Variants in ASAH2 observed in about 807,000 individuals in gnomAD.
The protein encoded by ASAH2 is N-acylsphingosine amidohydrolase 2.
ASAH2 carries 58 observed loss-of-function variants against 82.9 expected under a neutral mutation model. The observed-to-expected ratio is 0.70, with a 90% CI of 0.57 to 0.87. The LOEUF (loss-of-function observed/expected upper bound fraction) is 0.87, where lower values mean the gene tolerates loss of function less well. ASAH2 is among the 40% of genes least tolerant of loss of function. The pLI is 0.00. For synonymous variants in ASAH2, 276 were observed against 289.7 expected (o/e 0.95, Z 0.48); for missense variants, 779 against 834.0 (o/e 0.93, Z 0.81).
Position 50,187,105 on chromosome 10 carries a change from C to A in ASAH2, c.*210G>T, listed in dbSNP as rs1844766033. 1 of 327,266 alleles carries A rather than the reference C, an allele frequency of 3.1e-6. No individual in the cohort carries two copies. The highest frequency in any genetic ancestry group is 5.5e-6 in the Non-Finnish European group (1 of 182,424). 20.3% of individuals were successfully genotyped at this position (327,266 alleles called of 1,614,324 possible). A position where few individuals can be genotyped will look rare whatever the true frequency, so the allele number is the denominator to read the frequency against. On this transcript the variant is annotated 3_prime_UTR_variant, in exon 21 of 21. Transcript: ENST00000682911. The stretch of plus-strand genomic sequence containing the variant: ...CAAACCTCTCTCTCTCTCTCTCTCT[C>A]TCTCTCTCTCTCTCACACACACACA...
At position 50,185,149 on chromosome 10, in the gene ASAH2, C is replaced by G. The variant is rs1365064037; in HGVS notation, c.*2166G>C. ...TGCCACATGGTTTGGCTCCAGTGAGCCAGTCCCTGCAGCATCCACAGACAT... is the reference window on the plus strand; with the variant it reads ...TGCCACATGGTTTGGCTCCAGTGAGGCAGTCCCTGCAGCATCCACAGACAT... On this transcript the variant is annotated 3_prime_UTR_variant, in exon 21 of 21. Coordinates refer to ENST00000682911, the MANE Select transcript of ASAH2 (RefSeq NM_019893.4). 5 of 151,136 alleles carry G rather than the reference C, an allele frequency of 3.3e-5. No individual in the cohort carries two copies. The highest frequency in any genetic ancestry group is 7.4e-5 in the Non-Finnish European group (5 of 67,718). The allele number at this position is 151,136 out of a possible 1,614,324, so 9.4% of individuals were successfully genotyped here.
chr10:50,212,927 G>T, intron 10 of ASAH2, 45 bp downstream of exon 10: 1 of 1,548,332 alleles, frequency 6.5e-7, no homozygotes, highest in Non-Finnish European at 8.9e-7. Flanking sequence ...GGATTTTAAA[G>T]GACAATTTTA....
At chr10:50,229,851 T>A (rs1254700755) in intron 7 of ASAH2, among the ~76,000 whole-genome samples, 1 of 152,138 alleles carries the variant, frequency 6.6e-6, no homozygotes, top group Admixed American at 6.6e-5. Context: ...CAAATTCCTT[T>A]AAGAAAGTTC....
chr10:50,241,356 A>T (rs1846288379), intron 4 of ASAH2, among the ~76,000 whole-genome samples: 1 of 152,182 alleles, frequency 6.6e-6, no homozygotes, highest in African/African-American at 2.4e-5. Flanking sequence ...TTGGTTAATT[A>T]TAGCTAACTG....
At chr10:50,217,013 T>C (rs2133211498) in intron 8 of ASAH2, among the ~76,000 whole-genome samples, 1 of 152,272 alleles carries the variant, frequency 6.6e-6, no homozygotes, top group South Asian at 2.1e-4. Flanking sequence ...GTGGCATTGC[T>C]GAGAGCTGTA....
intron 14 of ASAH2, 105 bp downstream of exon 14, chr10:50,204,756 G>A (rs1845249942): frequency 2.2e-6 from 2 of 897,748 alleles, no homozygotes; most frequent in East Asian, 2.6e-5. Context: ...AGTACAGTAG[G>A]ATACCAAGGG....
intron 17 of ASAH2, among the ~76,000 whole-genome samples, chr10:50,197,365 G>C (rs1212635059): frequency 2.0e-5 from 3 of 150,914 alleles, no homozygotes; most frequent in African/African-American, 7.3e-5. Flanking sequence ...GCTAATAAAA[G>C]AATATAATAA....
At chr10:50,205,090 T>A (rs1203821076) in intron 13 of ASAH2, 135 bp from the exon 14 acceptor site, 3 of 603,096 alleles carry the variant, frequency 5.0e-6, no homozygotes, top group Non-Finnish European at 8.7e-6. Flanking sequence ...GGCATTTATG[T>A]CCTAGTCATA....
At chr10:50,232,303 T>C (rs1846039777) in intron 7 of ASAH2, among the ~76,000 whole-genome samples, 1 of 152,180 alleles carries the variant, frequency 6.6e-6, no homozygotes, top group African/African-American at 2.4e-5. Flanking sequence ...ATACTTACTT[T>C]ATCCTATGGT....
intron 7 of ASAH2, among the ~76,000 whole-genome samples, chr10:50,232,148 G>A (rs1846035775): frequency 6.6e-6 from 1 of 152,074 alleles, no homozygotes; most frequent in African/African-American, 2.4e-5. Context: ...TGTGAACTGT[G>A]AATCATAGTT....
intron 4 of ASAH2, among the ~76,000 whole-genome samples, chr10:50,238,533 T>A (rs1274670818): frequency 6.6e-6 from 1 of 151,180 alleles, no homozygotes; most frequent in Admixed American, 6.7e-5. Context: ...TATTCCATAA[T>A]GTAACTACCA....
At chr10:50,224,497 G>A (rs1266968909) in intron 7 of ASAH2, among the ~76,000 whole-genome samples, 1 of 152,126 alleles carries the variant, frequency 6.6e-6, no homozygotes, top group African/African-American at 2.4e-5. Context: ...GGCATGAAAT[G>A]ATTCAGTGAG....
At chr10:50,230,649 G>A (rs990351411) in intron 7 of ASAH2, among the ~76,000 whole-genome samples, 1 of 152,102 alleles carries the variant, frequency 6.6e-6, no homozygotes, top group Non-Finnish European at 1.5e-5. Flanking sequence ...ACAGTTGACC[G>A]AAAGACTTCC....
chr10:50,204,624 G>A (rs907569128), intron 14 of ASAH2, among the ~76,000 whole-genome samples: 2 of 151,542 alleles, frequency 1.3e-5, no homozygotes, highest in African/African-American at 4.9e-5. Context: ...TTTTAATTTG[G>A]GATAAGTTTT....
intron 7 of ASAH2, among the ~76,000 whole-genome samples, chr10:50,230,408 G>T (rs986344131): frequency 6.6e-6 from 1 of 152,070 alleles, no homozygotes; most frequent in Non-Finnish European, 1.5e-5. Flanking sequence ...CACACCTTGG[G>T]ATTCTGTCTA....
rs1225269971 is a variant in ASAH2 at position 50,214,867 on chromosome 10, C to A, written c.1016G>T (p.Gly339Val). 1 of 1,613,362 alleles carries A rather than the reference C, an allele frequency of 6.2e-7. No homozygotes were observed. Among genetic ancestry groups the A allele is most frequent in the South Asian group, 1.1e-5 (1 of 90,980 alleles). The change falls in exon 9 of 21, where the codon GGG (glycine) becomes GTG (valine). Residue 339 changes from glycine (G) to valine (V), a missense_variant and splice_region_variant. Gly to Val is a moderately radical substitution (Grantham distance 109, BLOSUM62 -3). Transcript: ENST00000682911. ...EKNKGYLPGQ[G>V]PFVAAFASSN... is the part of the protein sequence containing the mutation. ...TGAAGCAAAGGCTGCTACAAATGGCCCCTGCCAAAAGAAATGCCAAGTTGC... is the reference window on the plus strand; with the variant it reads ...TGAAGCAAAGGCTGCTACAAATGGCACCTGCCAAAAGAAATGCCAAGTTGC...
Position 50,213,051 on chromosome 10 carries a change from A to G in ASAH2, c.1148T>C (p.Met383Thr). The G allele has an allele frequency of 3.7e-6, 6 of 1,612,760 alleles. No individual in the cohort carries two copies. The South Asian group carries it at 4.4e-5, about 12-fold the overall frequency. ...CTGTCCAGGTCCCTTAGCAATGCACATGCTAGGCTGGAACAAAATAAGATA... is the reference window on the plus strand; with the variant it reads ...CTGTCCAGGTCCCTTAGCAATGCACGTGCTAGGCTGGAACAAAATAAGATA... ...NSTCPIGGPS[M>T]CIAKGPGQDM... The change falls in exon 10 of 21, where the codon ATG becomes ACG. Residue 383 changes from methionine to threonine, a missense_variant. By Grantham distance (81) the Met-to-Thr change is moderately conservative. Coordinates refer to ENST00000682911, the MANE Select transcript of ASAH2 (RefSeq NM_019893.4).
chr10:50,226,939 T>C (rs933648346), intron 7 of ASAH2, among the ~76,000 whole-genome samples: 3 of 152,084 alleles, frequency 2.0e-5, no homozygotes, highest in Non-Finnish European at 2.9e-5. Flanking sequence ...TTTTATAAAC[T>C]ACAATCTGCC....
At chr10:50,206,168 T>G in intron 12 of ASAH2, 71 bp from the exon 13 acceptor site, 1 of 1,046,130 alleles carries the variant, frequency 9.6e-7, no homozygotes, top group Non-Finnish European at 1.5e-6. Flanking sequence ...TCTTGACAAA[T>G]ATTGTACAAT....
Sources: allele counts gnomAD v4.1 joint callset (sites outside exome capture counted in the v4.1 genomes callset), GRCh38; gene constraint gnomAD v4.1.1; transcripts MANE v1.5; gene names NCBI Gene and HGNC (gene_info 2026-07-23, HGNC 2026-07-21).